HECW1: variants seen among roughly 807,000 people sequenced by gnomAD.
The protein encoded by HECW1 is HECT, C2 and WW domain containing E3 ubiquitin protein ligase 1.
A neutral mutation model predicts 182.3 loss-of-function variants in HECW1; 61 were observed. The observed-to-expected ratio is 0.33, with a 90% confidence interval of 0.27 to 0.41. The LOEUF is 0.41. Among genes scored for constraint, HECW1 ranks in the 10% least tolerant of loss-of-function variants. The pLI is 1.00. For missense variants in HECW1, 1,739 were observed against 2,108.9 expected, an observed-to-expected ratio of 0.82 and a Z score of 3.44; for synonymous variants, 859 against 832.6, an observed-to-expected ratio of 1.03 and a Z score of -0.55.
chr7:43,478,647 A>G (rs950738270), intron 16 of HECW1, among the ~76,000 whole-genome samples: 12 of 152,122 alleles, frequency 7.9e-5, no homozygotes, highest in African/African-American at 2.4e-4. Context: ...AAATATGTAT[A>G]TATTTGAATG....
intron 2 of HECW1, among the ~76,000 whole-genome samples, chr7:43,135,970 C>G (rs1389196508): frequency 2.2e-5 from 3 of 139,194 alleles, no homozygotes; most frequent in South Asian, 4.6e-4. Context: ...AAAATAGATA[C>G]CATTTACACT....
intron 6 of HECW1, among the ~76,000 whole-genome samples, chr7:43,370,475 T>C (rs1162820006): frequency 6.6e-6 from 1 of 152,222 alleles, no homozygotes; most frequent in Non-Finnish European, 1.5e-5. Flanking sequence ...ACCCTTACCA[T>C]ATGATTCAGC....
chr7:43,226,957 C>T (rs1797488708), intron 2 of HECW1, among the ~76,000 whole-genome samples: 1 of 152,282 alleles, frequency 6.6e-6, no homozygotes, highest in African/African-American at 2.4e-5. Flanking sequence ...GCTGTCACAA[C>T]GTCATGAAAA....
At chr7:43,408,520 CAAA>C (rs749031292) in intron 8 of HECW1, among the ~76,000 whole-genome samples, 13 of 135,796 alleles carry the variant, frequency 9.6e-5, no homozygotes, top group Non-Finnish European at 9.7e-5. Context: ...CCATCTCCAC[CAAA>C]AAAAAAAAAA....
At chr7:43,139,479 CTACT>C (rs1787925929) in intron 2 of HECW1, among the ~76,000 whole-genome samples, 2 of 152,222 alleles carry the variant, frequency 1.3e-5, no homozygotes, top group Middle Eastern at 3.4e-3. Flanking sequence ...AATCCATTTC[CTACT>C]TAGAGACTCC....
At chr7:43,540,762 A>G (rs765086715) in intron 24 of HECW1, among the ~76,000 whole-genome samples, 4 of 152,170 alleles carry the variant, frequency 2.6e-5, no homozygotes, top group Non-Finnish European at 5.9e-5. Context: ...AAATGCTTGA[A>G]TGGGTAAGGA....
chr7:43,142,842 G>A (rs974686124), intron 2 of HECW1, among the ~76,000 whole-genome samples: 2 of 152,160 alleles, frequency 1.3e-5, no homozygotes, highest in Admixed American at 6.5e-5. Flanking sequence ...GTGGGATGGA[G>A]CACAGGGTGT....
chr7:43,310,221 T>C (rs983398580), intron 3 of HECW1, among the ~76,000 whole-genome samples: 1 of 152,156 alleles, frequency 6.6e-6, no homozygotes, highest in African/African-American at 2.4e-5. Flanking sequence ...CAGAGCCTCC[T>C]GGAGGGCTGT....
At chr7:43,128,119 A>G (rs1025931753) in intron 2 of HECW1, among the ~76,000 whole-genome samples, 23 of 152,272 alleles carry the variant, frequency 1.5e-4, no homozygotes, top group African/African-American at 5.5e-4. Context: ...GGCTCAAGCA[A>G]TCCTCCCACC....
intron 26 of HECW1, 107 bp from the exon 27 acceptor site, chr7:43,550,338 G>C (rs2152958617): frequency 8.5e-7 from 1 of 1,178,794 alleles, no homozygotes; most frequent in East Asian, 2.4e-5. Context: ...GCTGAATAAT[G>C]CCCTGTAGAG....
At chr7:43,512,175 G>A (rs920453772) in intron 24 of HECW1, 2 of 222,920 alleles carry the variant, frequency 9.0e-6, no homozygotes, top group Non-Finnish European at 1.8e-5. Flanking sequence ...ATAAGGAAAC[G>A]GAGAAACCAA....
chr7:43,236,578 T>A (rs1330579078), intron 2 of HECW1, among the ~76,000 whole-genome samples: 2 of 152,138 alleles, frequency 1.3e-5, no homozygotes, highest in Non-Finnish European at 2.9e-5. Context: ...AGGTCATAGG[T>A]AGATAAGAGA....
chr7:43,175,482 A>G (rs140165161), intron 2 of HECW1, among the ~76,000 whole-genome samples: 210 of 152,286 alleles, frequency 1.4e-3, no homozygotes, highest in African/African-American at 4.7e-3. Flanking sequence ...ATTATTTTTA[A>G]AGTTAAACTT....
In HECW1 at chr7:43,257,839, A is replaced by T. The variant is rs1476147881; in HGVS notation, c.27+13907A>T. On this transcript the variant is annotated intron_variant, in intron 3 of 29. Transcript: ENST00000395891. ...CTATGTCTTAATTTATTCATATGCA[A>T]TTAGAAATAAGAAGAAGAATAGTGG... Among the ~76,000 whole-genome samples, 4 of 144,540 alleles carry T rather than the reference A, an allele frequency of 2.8e-5. No individual in the cohort carries two copies. The East Asian group carries it at 7.8e-4, about 28-fold the overall frequency. The allele number at this position is 144,540 out of a possible 152,430, so 94.8% of individuals were successfully genotyped here.
intron 10 of HECW1, 53 bp downstream of exon 10, chr7:43,442,682 G>C: frequency 8.1e-7 from 1 of 1,240,992 alleles, no homozygotes; most frequent in Non-Finnish European, 1.2e-6. Context: ...CATAAGTGTG[G>C]TTCCTTTTTC....
At chr7:43,455,919 C>T (rs1363180241) in intron 12 of HECW1, among the ~76,000 whole-genome samples, 1 of 151,896 alleles carries the variant, frequency 6.6e-6, no homozygotes, top group Non-Finnish European at 1.5e-5. Flanking sequence ...GAGAATTGCT[C>T]GAACCCAGGA....
Position 43,169,693 on chromosome 7 carries a change from T to TTC in HECW1, c.-32+55303_-32+55304insCT, listed in dbSNP as rs577840973. On this transcript the variant is annotated intron_variant, in intron 2 of 29. Coordinates refer to ENST00000395891, the MANE Select transcript of HECW1 (RefSeq NM_015052.5). ...TCTTTGTATCTTTTTTTCTTTTCTT[T>TTC]TTTTTTTTTTTTTTTGAGACGGAGT... Among the ~76,000 whole-genome samples, 667 of 145,328 alleles carry TTC rather than the reference T, an allele frequency of 4.6e-3. 4 individuals are homozygous for TTC. Among genetic ancestry groups the TTC allele is most frequent in the Non-Finnish European group, 7.2e-3 (478 of 66,038 alleles).
chr7:43,509,958 A>G (rs10253986), intron 24 of HECW1: 31,595 of 152,236 alleles, frequency 0.21, 3,404 homozygotes, highest in South Asian at 0.31. Flanking sequence ...TTGGCTATAG[A>G]GCATCAGTAT....
At chr7:43,213,645 C>T (rs966576537) in intron 2 of HECW1, among the ~76,000 whole-genome samples, 3 of 151,914 alleles carry the variant, frequency 2.0e-5, no homozygotes, top group African/African-American at 7.3e-5. Flanking sequence ...TGGGGTTTCA[C>T]CGTGTTAGCC....
Sources: allele counts gnomAD v4.1 joint callset (sites outside exome capture counted in the v4.1 genomes callset), GRCh38; gene constraint gnomAD v4.1.1; transcripts MANE v1.5; gene names NCBI Gene and HGNC (gene_info 2026-07-23, HGNC 2026-07-21).